DNAH6: variants seen among roughly 807,000 people sequenced by gnomAD.
DNAH6 encodes dynein axonemal heavy chain 6.
DNAH6 carries 340 observed loss-of-function variants against 491.4 expected under a neutral mutation model. The observed-to-expected ratio is 0.69, with a 90% CI of 0.63 to 0.76. The LOEUF is 0.76. Among genes scored for constraint, DNAH6 ranks in the 30% least tolerant of loss-of-function variants. The pLI is 0.00. For missense variants in DNAH6, 4,443 were observed against 4,972.2 expected, an observed-to-expected ratio of 0.89 and a Z score of 3.20; for synonymous variants, 1,603 against 1,686.1, an observed-to-expected ratio of 0.95 and a Z score of 1.21.
At chr2:84,649,953 G>A (rs74745687) in intron 33 of DNAH6, among the ~76,000 whole-genome samples, 3,241 of 152,090 alleles carry the variant, frequency 0.021, 124 homozygotes, top group African/African-American at 0.074. Context: ...TTAAAAAGAT[G>A]TTTTCCACTT....
intron 64 of DNAH6, among the ~76,000 whole-genome samples, chr2:84,765,632 C>T (rs569475983): frequency 2.2e-4 from 33 of 151,726 alleles, no homozygotes; most frequent in Non-Finnish European, 4.1e-4. Context: ...GATATACAGT[C>T]GAATATTTCC....
At position 84,548,417 on chromosome 2, in the gene DNAH6, G is replaced by T; in HGVS notation, c.1316G>T (p.Cys439Phe). The T allele has an allele frequency of 6.2e-7, 1 of 1,613,150 alleles. No homozygotes were observed. Among genetic ancestry groups the T allele is most frequent in the Non-Finnish European group, 8.5e-7 (1 of 1,179,802 alleles). The change falls in exon 8 of 77, where the codon TGC (cysteine) becomes TTC (phenylalanine). Residue 439 changes from cysteine to phenylalanine, a missense_variant and splice_region_variant. This residue lies in a region of DNAH6 where 2,977 missense variants were observed against 3,296.6 expected (regional missense o/e 0.90). Transcript: ENST00000389394. ...AGGCATTATTGCATGAGGCTGACGT[G>T]GTAAGATTATTCTCATTTTCAAGAA... ...SKRHYCMRLT[C>F]FIRLNDYLIE...
the DNAH6 span, among the ~76,000 whole-genome samples, chr2:84,507,230 C>T: frequency 2.0e-5 from 3 of 152,202 alleles, no homozygotes; most frequent in Non-Finnish European, 4.4e-5. Flanking sequence ...TTTGTATCCT[C>T]TTTTATTTCA....
At chr2:84,579,399 AG>A (rs1682790111) in intron 13 of DNAH6, 127 bp from the exon 14 acceptor site, 1 of 978,250 alleles carries the variant, frequency 1.0e-6, no homozygotes. Flanking sequence ...AGAGAAAAAA[AG>A]TCTCTTCGTA....
intron 70 of DNAH6, among the ~76,000 whole-genome samples, chr2:84,798,754 GT>G (rs2105292881): frequency 6.6e-6 from 1 of 152,268 alleles, no homozygotes; most frequent in East Asian, 1.9e-4. Context: ...CTGCCTGAGT[GT>G]TTTATTGGCA....
At chr2:84,524,612 C>T (rs1446395894) in intron 2 of DNAH6, among the ~76,000 whole-genome samples, 1 of 151,982 alleles carries the variant, frequency 6.6e-6, no homozygotes, top group Non-Finnish European at 1.5e-5. Flanking sequence ...TCTTCAAGAT[C>T]TCTTGTAAGG....
the DNAH6 span, among the ~76,000 whole-genome samples, chr2:84,503,598 G>C: frequency 3.3e-5 from 5 of 151,834 alleles, no homozygotes; most frequent in African/African-American, 1.2e-4. Flanking sequence ...GAAATCCCTC[G>C]GCTTTCATTT....
At chr2:84,808,336 A>G in intron 71 of DNAH6, 79 bp from the exon 72 acceptor site, 1 of 1,386,676 alleles carries the variant, frequency 7.2e-7, no homozygotes, top group Non-Finnish European at 9.4e-7. Context: ...AAAAATGTTA[A>G]GATAAGCACA....
At chr2:84,606,421 C>T (rs1354095962) in intron 20 of DNAH6, among the ~76,000 whole-genome samples, 1 of 152,068 alleles carries the variant, frequency 6.6e-6, no homozygotes, top group Non-Finnish European at 1.5e-5. Flanking sequence ...GATTAACAAG[C>T]ACATTTTTAA....
intron 63 of DNAH6, among the ~76,000 whole-genome samples, chr2:84,759,233 C>T (rs530365448): frequency 4.6e-4 from 70 of 151,790 alleles, no homozygotes; most frequent in African/African-American, 1.4e-3. Context: ...CCTGGCTGGG[C>T]GCAGTGACTC....
chr2:84,616,835 A>T, intron 22 of DNAH6, 51 bp from the exon 23 acceptor site: 1 of 983,614 alleles, frequency 1.0e-6, no homozygotes, highest in Non-Finnish European at 1.4e-6. Flanking sequence ...TTTCAGAAAA[A>T]AATTTGATTT....
chr2:84,621,746 G>A (rs1406321821), intron 26 of DNAH6, among the ~76,000 whole-genome samples, 195 bp downstream of exon 26: 12 of 152,032 alleles, frequency 7.9e-5, no homozygotes, highest in Admixed American at 6.6e-4. Context: ...TACTTTTTGT[G>A]TAGTATTTAT....
intron 12 of DNAH6, among the ~76,000 whole-genome samples, chr2:84,575,995 A>G (rs965592719): frequency 1.3e-5 from 2 of 152,134 alleles, no homozygotes; most frequent in South Asian, 2.1e-4. Flanking sequence ...TCTATCTATG[A>G]AATAAGAGTT....
chr2:84,781,385 A>C, intron 64 of DNAH6, 108 bp from the exon 65 acceptor site: 1 of 954,030 alleles, frequency 1.0e-6, no homozygotes, highest in South Asian at 2.4e-5. Context: ...ATGAGGATTC[A>C]AAATGTTTAT....
chr2:84,503,659 CCAGA>C, the DNAH6 span, among the ~76,000 whole-genome samples: 2 of 151,798 alleles, frequency 1.3e-5, no homozygotes, highest in Non-Finnish European at 2.9e-5. Flanking sequence ...GATATTTTCA[CCAGA>C]CAAACTATTC....
chr2:84,503,416 G>A, the DNAH6 span, among the ~76,000 whole-genome samples: 3 of 152,066 alleles, frequency 2.0e-5, no homozygotes, highest in Non-Finnish European at 4.4e-5. Flanking sequence ...CTTAGGACAA[G>A]AGTACAAGAG....
intron 20 of DNAH6, among the ~76,000 whole-genome samples, chr2:84,606,362 G>T (rs991497822): frequency 1.3e-5 from 2 of 152,116 alleles, no homozygotes; most frequent in African/African-American, 2.4e-5. Flanking sequence ...TGTGGTGAGG[G>T]TTCTACTCTC....
chr2:84,495,250 C>T, the DNAH6 span, among the ~76,000 whole-genome samples: 312 of 152,334 alleles, frequency 2.0e-3, no homozygotes, highest in African/African-American at 7.3e-3. Context: ...GCAACCTCCA[C>T]CTCCCGGGTT....
intron 57 of DNAH6, among the ~76,000 whole-genome samples, chr2:84,713,705 G>C (rs935275440): frequency 1.4e-4 from 21 of 152,206 alleles, no homozygotes; most frequent in Non-Finnish European, 3.1e-4. Flanking sequence ...CTGGGGTTGG[G>C]GGGAGGAGGA....
Sources: gnomAD v4.1 joint callset for allele counts (sites outside exome capture counted in the v4.1 genomes callset) on GRCh38, gnomAD v4.1.1 for gene constraint, gnomAD v4.1.1 regional missense constraint, MANE v1.5 for transcripts, NCBI Gene and HGNC (gene_info 2026-07-23, HGNC 2026-07-21) for gene names.